Variants in LIPG observed in about 807,000 individuals in gnomAD.
LIPG encodes lipase G, endothelial type.
LIPG carries 34 observed loss-of-function variants against 51.8 expected under a neutral mutation model. The observed-to-expected ratio is 0.66, with a 90% confidence interval of 0.50 to 0.87. The LOEUF (loss-of-function observed/expected upper bound fraction) is 0.87. LIPG is among the 40% of genes least tolerant of loss of function. The pLI, the probability that LIPG is intolerant of heterozygous loss-of-function variation, is 0.00. For synonymous variants in LIPG, 246 were observed against 246.1 expected (o/e 1.00, Z 0.00); for missense variants, 580 against 652.7 (o/e 0.89, Z 1.21).
chr18:49,576,147 C>T (rs2084713649), intron 5 of LIPG, among the ~76,000 whole-genome samples: 1 of 151,922 alleles, frequency 6.6e-6, no homozygotes, highest in Non-Finnish European at 1.5e-5. Context: ...TGATTAATTT[C>T]TTTTTATGAC....
Position 49,562,395 on chromosome 18 carries a change from A to G in LIPG, c.87A>G (p.Gly29=), listed in dbSNP as rs1195405211. ...GCCCCGTACCTTTTGGTCCAGAGGG[A>G]CGGCTGGAAGGTAACGTGAATTTGT... The part of the protein sequence containing the change: ...AGSPVPFGPE[G]RLEDKLHKPK... Residue 29 remains glycine, a synonymous_variant, in exon 1 of 10, where the codon GGA becomes GGG. Coordinates refer to ENST00000261292, the MANE Select transcript of LIPG (RefSeq NM_006033.4). 2 of 1,613,608 alleles carry G rather than the reference A, an allele frequency of 1.2e-6. No individual in the cohort carries two copies. Among genetic ancestry groups the G allele is most frequent in the African/African-American group, 2.7e-5 (2 of 74,812 alleles).
intron 7 of LIPG, 82 bp downstream of exon 7, chr18:49,582,564 A>AC (rs1225826491): frequency 7.0e-6 from 11 of 1,574,242 alleles, no homozygotes; most frequent in Non-Finnish European, 8.7e-6. Context: ...GAGCGTGTGA[A>AC]CGAGTACAGC....
intron 5 of LIPG, among the ~76,000 whole-genome samples, chr18:49,579,723 G>A (rs1020633291): frequency 4.8e-5 from 7 of 146,648 alleles, no homozygotes; most frequent in Non-Finnish European, 4.5e-5. Flanking sequence ...TCCCTCCTCA[G>A]AATATAGGAT....
intron 5 of LIPG, among the ~76,000 whole-genome samples, chr18:49,578,508 G>C (rs1174494698): frequency 6.7e-4 from 92 of 138,326 alleles, no homozygotes; most frequent in African/African-American, 2.4e-3. Flanking sequence ...ATGGGATGGC[G>C]GCCGGGCGGA....
intron 9 of LIPG, among the ~76,000 whole-genome samples, chr18:49,588,647 C>A (rs1441361934): frequency 6.6e-6 from 1 of 152,130 alleles, no homozygotes. Context: ...GTATGTGGAG[C>A]TAAGTGAGAC....
At chr18:49,579,245 G>A (rs1411431661) in intron 5 of LIPG, among the ~76,000 whole-genome samples, 3 of 130,684 alleles carry the variant, frequency 2.3e-5, no homozygotes, top group African/African-American at 5.7e-5. Context: ...AGGGCTCACC[G>A]GATACACTCT....
chr18:49,573,475 G>A (rs929700578), intron 4 of LIPG, among the ~76,000 whole-genome samples: 1 of 151,968 alleles, frequency 6.6e-6, no homozygotes, highest in African/African-American at 2.4e-5. Context: ...AGCTACTCAG[G>A]AGGCTGAGGC....
chr18:49,562,370 G>T lies in LIPG; in HGVS notation c.62G>T (p.Ser21Ile). The change falls in exon 1 of 10, where the codon AGC becomes ATC. Residue 21 changes from serine (S) to isoleucine (I), a missense_variant. By Grantham distance (142) the Ser-to-Ile change is moderately radical. Coordinates refer to ENST00000261292, the MANE Select transcript of LIPG (RefSeq NM_006033.4). ...CTCTGCTATTGCTTTGCTGCGGGGA[G>T]CCCCGTACCTTTTGGTCCAGAGGGA... The part of the protein sequence containing the change: ...WSLCYCFAAG[S>I]PVPFGPEGRL... 6.2e-7 allele frequency: 1 copy of T among 1,613,970 alleles called. No homozygotes were observed. Among genetic ancestry groups the T allele is most frequent in the African/African-American group, 1.3e-5 (1 of 75,036 alleles).
intron 9 of LIPG, among the ~76,000 whole-genome samples, chr18:49,588,489 G>C (rs1197131865): frequency 6.6e-6 from 1 of 151,218 alleles, no homozygotes; most frequent in Non-Finnish European, 1.5e-5. Flanking sequence ...CGCCATGTTG[G>C]CCAAGTTACC....
intron 9 of LIPG, 117 bp from the exon 10 acceptor site, chr18:49,590,384 C>A: frequency 9.6e-7 from 1 of 1,041,282 alleles, no homozygotes; most frequent in Non-Finnish European, 1.5e-6. Context: ...GTAAAATAGT[C>A]CCATAGGGGT....
At chr18:49,565,219 G>T in intron 1 of LIPG, 98 bp from the exon 2 acceptor site, 1 of 1,242,242 alleles carries the variant, frequency 8.0e-7, no homozygotes, top group Non-Finnish European at 1.2e-6. Flanking sequence ...AACCCAGATG[G>T]CTTAAGCAAA....
chr18:49,598,815 T>G lies in LIPG; in HGVS notation c.*8293T>G, dbSNP rs1210043592. On this transcript the variant is annotated 3_prime_UTR_variant, in exon 10 of 10. Transcript: ENST00000261292. ...TGATCTGCTTTTTGTCCTTGTAGAT[T>G]AGTTGCATTTTCTAGAATTTTGTAT... is the stretch of plus-strand genomic sequence containing the variant. 1 of 152,238 alleles carries G rather than the reference T, an allele frequency of 6.6e-6. No individual in the cohort carries two copies. Among genetic ancestry groups the G allele is most frequent in the African/African-American group, 2.4e-5 (1 of 41,460 alleles). 9.4% of individuals were successfully genotyped at this position (152,238 alleles called of 1,614,324 possible). A position where few individuals can be genotyped will look rare whatever the true frequency, so the allele number is the denominator to read the frequency against.
At position 49,575,464 on chromosome 18, in the gene LIPG, A is replaced by C. The variant is rs749780002; in HGVS notation, c.667A>C (p.Thr223Pro). 2 of 1,614,222 alleles carry C rather than the reference A, an allele frequency of 1.2e-6. No homozygotes were observed. Among genetic ancestry groups the C allele is most frequent in the Admixed American group, 3.3e-5 (2 of 60,026 alleles). Reference protein sequence around the residue: ...ADFVDVLHTYTRSFGLSIGIQ... With the variant: ...ADFVDVLHTYPRSFGLSIGIQ... The stretch of plus-strand genomic sequence containing the variant: ...TTTTGTGGATGTCCTCCACACCTAC[A>C]CGCGTTCCTTCGGCTTGAGCATTGG... Residue 223 changes from threonine (T) to proline (P), a missense_variant, in exon 5 of 10, where the codon ACG becomes CCG. Thr to Pro is a conservative substitution (Grantham distance 38). Coordinates refer to ENST00000261292, the MANE Select transcript of LIPG (RefSeq NM_006033.4).
chr18:49,567,766 A>G (rs1191543767), intron 3 of LIPG, 145 bp downstream of exon 3: 3 of 740,982 alleles, frequency 4.0e-6, no homozygotes, highest in Non-Finnish European at 6.5e-6. Context: ...TGAATTAAGT[A>G]TTGTTTGGAA....
intron 5 of LIPG, among the ~76,000 whole-genome samples, chr18:49,580,816 G>C (rs1455854005): frequency 1.3e-5 from 2 of 152,160 alleles, no homozygotes. Context: ...ACCCTACTTA[G>C]CACTTATTAT....
In LIPG at chr18:49,594,222, C is replaced by T. The variant is rs892487680; in HGVS notation, c.*3700C>T. ...TGATCTTGGCCCACTGCAACCTCCGCCTCCTGGGTTCAAGTGATTCTCCTG... is the reference window on the plus strand; with the variant it reads ...TGATCTTGGCCCACTGCAACCTCCGTCTCCTGGGTTCAAGTGATTCTCCTG... On this transcript the variant is annotated 3_prime_UTR_variant, in exon 10 of 10. Transcript: ENST00000261292. 6.6e-6 allele frequency: 1 copy of T among 152,320 alleles called. No homozygotes were observed. The highest frequency in any genetic ancestry group is 2.4e-5 in the African/African-American group (1 of 41,544). 9.4% of individuals were successfully genotyped at this position (152,320 alleles called of 1,614,324 possible). A position where few individuals can be genotyped will look rare whatever the true frequency, so the allele number is the denominator to read the frequency against.
In LIPG at chr18:49,592,410, G is replaced by A. The variant is rs980192945; in HGVS notation, c.*1888G>A. The stretch of plus-strand genomic sequence containing the variant: ...TACATAATGAGATATTTTGGGAATA[G>A]GACCCGAGCCTAAACACAAAATTCA... On this transcript the variant is annotated 3_prime_UTR_variant, in exon 10 of 10. Transcript: ENST00000261292. The A allele has an allele frequency of 1.3e-5, 2 of 152,182 alleles. No homozygotes were observed. Among genetic ancestry groups the A allele is most frequent in the African/African-American group, 4.8e-5 (2 of 41,434 alleles). 9.4% of individuals were successfully genotyped at this position (152,182 alleles called of 1,614,324 possible).
rs1196482507 is a variant in LIPG at position 49,583,583 on chromosome 18, C to G, written c.1185C>G (p.Thr395=). The G allele has an allele frequency of 6.2e-7, 1 of 1,614,086 alleles. No homozygotes were observed. Among genetic ancestry groups the G allele is most frequent in the Non-Finnish European group, 8.5e-7 (1 of 1,180,022 alleles). Reference sequence around the variant, plus strand: ...TGGAGCGGATCGAGCAGAATGCCACCAACACCTTCCTGGTCTACACCGAGG... The same window carrying G: ...TGGAGCGGATCGAGCAGAATGCCACGAACACCTTCCTGGTCTACACCGAGG... The part of the protein sequence containing the change: ...EIVERIEQNA[T]NTFLVYTEED... The change falls in exon 8 of 10, where the codon ACC becomes ACG. Residue 395 remains threonine (T), a synonymous_variant. Transcript: ENST00000261292.
chr18:49,587,158 C>T (rs896462135), intron 9 of LIPG, among the ~76,000 whole-genome samples: 6 of 151,350 alleles, frequency 4.0e-5, no homozygotes, highest in African/African-American at 1.5e-4. Flanking sequence ...CCTGTAATCC[C>T]AGCTACTTGG....
Sources: allele counts gnomAD v4.1 joint callset (sites outside exome capture counted in the v4.1 genomes callset), GRCh38; gene constraint gnomAD v4.1.1; transcripts MANE v1.5; gene names NCBI Gene and HGNC (gene_info 2026-07-23, HGNC 2026-07-21).